NKAIN2: variants seen among roughly 807,000 people sequenced by gnomAD.
NKAIN2 encodes the protein sodium/potassium-transporting ATPase subunit beta-1-interacting protein 2.
A neutral mutation model predicts 32.6 loss-of-function variants in NKAIN2; 14 were observed. That is an observed-to-expected ratio of 0.43 (90% CI 0.28 to 0.67). The LOEUF (loss-of-function observed/expected upper bound fraction) is 0.67, where lower values mean the gene tolerates loss of function less well. Among genes scored for constraint, NKAIN2 ranks in the 30% least tolerant of loss-of-function variants. NKAIN2 has a pLI of 0.17. For missense variants in NKAIN2, 198 were observed against 258.3 expected (o/e 0.77, Z 1.60); for synonymous variants, 80 against 87.2 (o/e 0.92, Z 0.46).
chr6:124,567,115 A>G (rs1296998578), intron 3 of NKAIN2, among the ~76,000 whole-genome samples: 2 of 151,818 alleles, frequency 1.3e-5, no homozygotes, highest in African/African-American at 4.8e-5. Context: ...TATCGCAAAA[A>G]CTCTTGACAG....
intron 3 of NKAIN2, among the ~76,000 whole-genome samples, chr6:124,414,940 G>C (rs188336446): frequency 6.6e-6 from 1 of 151,526 alleles, no homozygotes; most frequent in African/African-American, 2.4e-5. Flanking sequence ...CTAAGAATCA[G>C]CTTTAAAAAA....
At chr6:124,274,716 G>A (rs1448959587) in intron 1 of NKAIN2, among the ~76,000 whole-genome samples, 1 of 151,816 alleles carries the variant, frequency 6.6e-6, no homozygotes, top group Non-Finnish European at 1.5e-5. Context: ...TTATTGTAGT[G>A]TACAGAATAT....
intron 6 of NKAIN2, chr6:124,819,122 A>G (rs1781289112): frequency 4.1e-6 from 4 of 972,754 alleles, no homozygotes; most frequent in African/African-American, 3.5e-5. Context: ...AACAAATTCT[A>G]TATATCAGCA....
intron 1 of NKAIN2, among the ~76,000 whole-genome samples, chr6:124,012,334 A>AT (rs36026416): frequency 0.54 from 67,010 of 123,152 alleles, 19,375 homozygotes; most frequent in African/African-American, 0.69. Flanking sequence ...ACTCTACATG[A>AT]TTTTTTTTTT....
chr6:124,475,345 T>TA (rs1328472803), intron 3 of NKAIN2, among the ~76,000 whole-genome samples: 1 of 152,164 alleles, frequency 6.6e-6, no homozygotes, highest in African/African-American at 2.4e-5. Flanking sequence ...CATTGGTACT[T>TA]ATGCTACAGC....
At chr6:124,572,771 CAATT>C (rs1057342668) in intron 3 of NKAIN2, among the ~76,000 whole-genome samples, 7 of 152,066 alleles carry the variant, frequency 4.6e-5, no homozygotes, top group African/African-American at 9.7e-5. Flanking sequence ...ATAATTATAT[CAATT>C]AATTCCATAT....
chr6:123,924,475 A>G (rs938294097), intron 1 of NKAIN2, among the ~76,000 whole-genome samples: 18 of 152,228 alleles, frequency 1.2e-4, no homozygotes, highest in African/African-American at 4.1e-4. Context: ...CATGAATTTT[A>G]TGGTAGAGAT....
chr6:124,810,651 A>G (rs1780856730), intron 5 of NKAIN2, among the ~76,000 whole-genome samples: 1 of 151,958 alleles, frequency 6.6e-6, no homozygotes, highest in Non-Finnish European at 1.5e-5. Context: ...AAACAAATAA[A>G]TAAATAAAAA....
At chr6:124,359,155 A>G (rs555426275) in intron 3 of NKAIN2, among the ~76,000 whole-genome samples, 1 of 152,306 alleles carries the variant, frequency 6.6e-6, no homozygotes, top group South Asian at 2.1e-4. Context: ...TACCAGTATC[A>G]TGCTGTTTTG....
chr6:124,630,290 G>T (rs1434835603), intron 3 of NKAIN2, among the ~76,000 whole-genome samples: 1 of 152,080 alleles, frequency 6.6e-6, no homozygotes, highest in East Asian at 1.9e-4. Flanking sequence ...TCAAAGGAAG[G>T]ATTATTCAGA....
At chr6:124,269,423 T>C (rs1794646462) in intron 1 of NKAIN2, among the ~76,000 whole-genome samples, 1 of 144,930 alleles carries the variant, frequency 6.9e-6, no homozygotes, top group Non-Finnish European at 1.5e-5. Flanking sequence ...CTGGTGGCAA[T>C]TTCTTTTTCT....
rs1308760199 is a variant in NKAIN2, at chr6:124,804,750, G to A, written c.535+13351G>A. Among the ~76,000 whole-genome samples the A allele has an allele frequency of 1.3e-5, 2 of 152,178 alleles. 1 individual carries two copies. ...GTTCCCTTTCCTAGTCAAAGAAAGGGGTGACAGACGGCACCTGGAAAATCG... is the reference window on the plus strand; with the variant it reads ...GTTCCCTTTCCTAGTCAAAGAAAGGAGTGACAGACGGCACCTGGAAAATCG... On this transcript the variant is annotated intron_variant, in intron 5 of 6. Transcript: ENST00000368417.
chr6:124,278,219 C>G lies in NKAIN2; in HGVS notation c.55-4786C>G, dbSNP rs143315981. On this transcript the variant is annotated intron_variant, in intron 1 of 6. Coordinates refer to ENST00000368417, the MANE Select transcript of NKAIN2 (RefSeq NM_001040214.3). The stretch of plus-strand genomic sequence containing the variant: ...AGATGCCTAACCAGTACAAAGGCTT[C>G]CCTTTTGCCTTGCAAACATTTGAAG... Among the ~76,000 whole-genome samples, 285 of 152,192 alleles carry G rather than the reference C, an allele frequency of 1.9e-3. 6 individuals carry two copies. The East Asian group carries it at 0.038, about 20-fold the overall frequency.
chr6:124,623,678 G>C (rs1330561119), intron 3 of NKAIN2, among the ~76,000 whole-genome samples: 1 of 152,198 alleles, frequency 6.6e-6, no homozygotes, highest in African/African-American at 2.4e-5. Flanking sequence ...AAGGAGGTGT[G>C]TTAAATTCAG....
At chr6:124,474,370 T>C (rs576415250) in intron 3 of NKAIN2, among the ~76,000 whole-genome samples, 12 of 152,238 alleles carry the variant, frequency 7.9e-5, no homozygotes, top group African/African-American at 2.4e-4. Flanking sequence ...CTGAGTTTGC[T>C]TCTGTTGGGA....
rs1491476110 is a variant in NKAIN2 at position 124,779,242 on chromosome 6, A to AG, written c.475-12097_475-12096insG. On this transcript the variant is annotated intron_variant, in intron 4 of 6. Transcript: ENST00000368417. Reference sequence around the variant, plus strand: ...CTGGGCGACAGAGCCAGACTCCAACAAAGAAAGAGAGAGAGAGAGAGAGAG... The same window carrying AG: ...CTGGGCGACAGAGCCAGACTCCAACAGAAGAAAGAGAGAGAGAGAGAGAGAG... Among the ~76,000 whole-genome samples, 22 of 48,434 alleles carry AG rather than the reference A, an allele frequency of 4.5e-4. 1 individual carries two copies. Among genetic ancestry groups the AG allele is most frequent in the African/African-American group, 1.9e-3 (19 of 9,888 alleles). The allele number at this position is 48,434 out of a possible 152,430, so 31.8% of individuals were successfully genotyped here. A position where few individuals can be genotyped will look rare whatever the true frequency, so the allele number is the denominator to read the frequency against.
chr6:124,112,836 T>A (rs1022396938), intron 1 of NKAIN2, among the ~76,000 whole-genome samples: 2 of 151,820 alleles, frequency 1.3e-5, no homozygotes, highest in African/African-American at 4.8e-5. Context: ...TTCTGCTTGA[T>A]CTAGTCTGCT....
chr6:124,581,084 T>A (rs1162566571), intron 3 of NKAIN2, among the ~76,000 whole-genome samples: 1 of 152,176 alleles, frequency 6.6e-6, no homozygotes, highest in Non-Finnish European at 1.5e-5. Context: ...AATGCAATAA[T>A]AGCTGGAGTT....
chr6:123,990,753 T>A (rs1470887839), intron 1 of NKAIN2, among the ~76,000 whole-genome samples: 1 of 152,216 alleles, frequency 6.6e-6, no homozygotes, highest in African/African-American at 2.4e-5. Context: ...CCATTGTTGA[T>A]ACTCTAATTT....
Sources: allele counts gnomAD v4.1 joint callset (sites outside exome capture counted in the v4.1 genomes callset), GRCh38; gene constraint gnomAD v4.1.1; transcripts MANE v1.5; gene names NCBI Gene and HGNC (gene_info 2026-07-23, HGNC 2026-07-21).